The following COL21A1 variants were observed in gnomAD, a reference collection of about 807,000 sequenced individuals.
COL21A1 encodes the protein collagen type XXI alpha 1 chain.
COL21A1 carries 149 observed loss-of-function variants against 137.9 expected under a neutral mutation model. That is an observed-to-expected ratio of 1.08 (90% CI 0.95 to 1.24). COL21A1 has a LOEUF of 1.24. Ranked by LOEUF, COL21A1 falls within the 50% of genes most tolerant of loss-of-function variation. The pLI is 0.00. For synonymous variants in COL21A1, 456 were observed against 391.5 expected (o/e 1.16, Z -1.95); for missense variants, 1,167 against 1,158.4 (o/e 1.01, Z -0.11).
intron 1 of COL21A1, among the ~76,000 whole-genome samples, chr6:56,350,675 A>G (rs1765692711): frequency 6.6e-6 from 1 of 152,154 alleles, no homozygotes; most frequent in South Asian, 2.1e-4. Flanking sequence ...ATCTATTAAT[A>G]GAAGAAGAAG....
chr6:56,141,515 GTAACTCCCTGT>G (rs1429470018), intron 12 of COL21A1, among the ~76,000 whole-genome samples: 1 of 152,164 alleles, frequency 6.6e-6, no homozygotes, highest in Non-Finnish European at 1.5e-5. Context: ...CTCTAAGAAG[GTAACTCCCTGT>G]GGAGCTTAAC....
At chr6:56,111,151 C>CA (rs34644083) in intron 16 of COL21A1, among the ~76,000 whole-genome samples, 73,837 of 142,412 alleles carry the variant, frequency 0.52, 19,258 homozygotes, top group East Asian at 0.66. Context: ...TATCCTTTTC[C>CA]AAAAAAAAAA....
chr6:56,068,824 TTTC>T, intron 22 of COL21A1: 1 of 405,934 alleles, frequency 2.5e-6, no homozygotes, highest in Non-Finnish European at 4.3e-6. Flanking sequence ...CTGCATGTCT[TTTC>T]TAAGGTCTTC....
intron 1 of COL21A1, among the ~76,000 whole-genome samples, chr6:56,341,945 T>C (rs2152345343): frequency 6.6e-6 from 1 of 152,336 alleles, no homozygotes; most frequent in African/African-American, 2.4e-5. Context: ...GATAAAAATA[T>C]TTTTGAAATT....
intron 1 of COL21A1, among the ~76,000 whole-genome samples, chr6:56,367,532 A>C (rs1766129351): frequency 6.6e-6 from 1 of 152,214 alleles, no homozygotes; most frequent in African/African-American, 2.4e-5. Flanking sequence ...GCTTTGAGAC[A>C]ATAAGGGGAG....
intron 23 of COL21A1, among the ~76,000 whole-genome samples, chr6:56,066,507 C>A (rs985890925): frequency 6.6e-6 from 1 of 151,824 alleles, no homozygotes; most frequent in African/African-American, 2.4e-5. Flanking sequence ...CTGAGACTTA[C>A]AAACTTAAAA....
chr6:56,356,491 A>T (rs1408223395), intron 1 of COL21A1, among the ~76,000 whole-genome samples: 1 of 152,204 alleles, frequency 6.6e-6, no homozygotes, highest in Non-Finnish European at 1.5e-5. Context: ...TTAAAAACAG[A>T]GGGCTGAGTT....
intron 2 of COL21A1, among the ~76,000 whole-genome samples, chr6:56,181,367 A>G (rs2152282061): frequency 6.6e-6 from 1 of 152,162 alleles, no homozygotes; most frequent in East Asian, 1.9e-4. Flanking sequence ...ACTAGGATTA[A>G]AGGGTTATGC....
intron 18 of COL21A1, among the ~76,000 whole-genome samples, chr6:56,077,065 A>G (rs925319217): frequency 1.3e-5 from 2 of 151,498 alleles, no homozygotes; most frequent in Non-Finnish European, 3.0e-5. Flanking sequence ...CAAAAAAACC[A>G]TAGAAGAAAA....
intron 16 of COL21A1, among the ~76,000 whole-genome samples, chr6:56,107,159 G>T (rs1228447205): frequency 6.6e-6 from 1 of 151,966 alleles, no homozygotes; most frequent in African/African-American, 2.4e-5. Context: ...AATTTATTCA[G>T]GAATCAAAAA....
chr6:56,312,768 A>G (rs2152339777), intron 1 of COL21A1, among the ~76,000 whole-genome samples: 1 of 152,316 alleles, frequency 6.6e-6, no homozygotes, highest in South Asian at 2.1e-4. Flanking sequence ...AGCATTTAGA[A>G]TGAGAATAAT....
intron 3 of COL21A1, 142 bp from the exon 4 acceptor site, chr6:56,171,270 T>G (rs773503120): frequency 6.9e-5 from 30 of 435,116 alleles, no homozygotes; most frequent in Non-Finnish European, 1.0e-4. Flanking sequence ...GTATAGTATA[T>G]AAATGTATAT....
intron 1 of COL21A1, among the ~76,000 whole-genome samples, chr6:56,207,271 C>A (rs4715593): frequency 0.66 from 99,418 of 151,766 alleles, 32,964 homozygotes; most frequent in East Asian, 0.86. Flanking sequence ...TGAAAAGATC[C>A]ACAAAATAGA....
At chr6:56,264,302 T>TA (rs1472101658) in intron 1 of COL21A1, among the ~76,000 whole-genome samples, 1 of 152,180 alleles carries the variant, frequency 6.6e-6, no homozygotes, top group Non-Finnish European at 1.5e-5. Context: ...ATAAATAGAA[T>TA]AACCACAGAT....
chr6:56,347,890 G>A (rs1158191009), intron 1 of COL21A1, among the ~76,000 whole-genome samples: 2 of 152,060 alleles, frequency 1.3e-5, no homozygotes, highest in Non-Finnish European at 2.9e-5. Context: ...CTATGTACAG[G>A]TAGCTGAGAA....
intron 1 of COL21A1, among the ~76,000 whole-genome samples, chr6:56,340,071 C>A (rs995946674): frequency 6.6e-6 from 1 of 152,070 alleles, no homozygotes; most frequent in African/African-American, 2.4e-5. Flanking sequence ...AAAACGCCAT[C>A]TCAGAACCGT....
At chr6:56,146,669 C>T (rs573160827) in intron 10 of COL21A1, among the ~76,000 whole-genome samples, 8 of 152,042 alleles carry the variant, frequency 5.3e-5, no homozygotes, top group African/African-American at 1.9e-4. Flanking sequence ...GGAATTCCTC[C>T]AATATGCCAT....
chr6:56,232,146 G>T (rs1028167580), intron 1 of COL21A1, among the ~76,000 whole-genome samples: 3 of 151,794 alleles, frequency 2.0e-5, no homozygotes, highest in African/African-American at 4.8e-5. Flanking sequence ...ACTGGAATGT[G>T]TCTTATTCTT....
At chr6:56,067,488 G>A (rs1054774981) in intron 22 of COL21A1, among the ~76,000 whole-genome samples, 158 bp from the exon 23 acceptor site, 1 of 151,726 alleles carries the variant, frequency 6.6e-6, no homozygotes, top group African/African-American at 2.4e-5. Context: ...TACTTGGGAA[G>A]GGAGCAGAAC....
Sources: gnomAD v4.1 joint callset for allele counts (sites outside exome capture counted in the v4.1 genomes callset) on GRCh38, gnomAD v4.1.1 for gene constraint, MANE v1.5 for transcripts, NCBI Gene and HGNC (gene_info 2026-07-23, HGNC 2026-07-21) for gene names.